The following PCDH19 variants were observed in gnomAD, a reference collection of about 807,000 sequenced individuals.
PCDH19 encodes protocadherin 19, also known as protocadherin-19.
PCDH19 carries 6 observed loss-of-function variants against 46.2 expected under a neutral mutation model. The observed-to-expected ratio is 0.13, with a 90% CI of 0.07 to 0.26. PCDH19 has a LOEUF of 0.26. PCDH19 is among the 10% of genes least tolerant of loss of function. The probability of loss-of-function intolerance (pLI) is 1.00; values close to 1 mark genes in which losing one functional copy is unlikely to be tolerated. For missense variants in PCDH19, 740 were observed against 972.3 expected (o/e 0.76, Z 3.18); for synonymous variants, 481 against 415.7 (o/e 1.16, Z -1.91).
chrX:100,363,854 TGC>T (rs1205197321), intron 3 of PCDH19, among the ~76,000 whole-genome samples: 23 of 26,807 alleles, frequency 8.6e-4, no homozygotes, highest in African/African-American at 4.3e-3. Context: ...AGAATGTGCG[TGC>T]GTGTGTGTGT....
intron 3 of PCDH19, among the ~76,000 whole-genome samples, chrX:100,377,309 G>A (rs1425137096): frequency 9.0e-6 from 1 of 111,350 alleles, no homozygotes; most frequent in Non-Finnish European, 1.9e-5. Flanking sequence ...ACAGAATGGT[G>A]GCAATAATGG....
At chrX:100,395,861 T>C (rs1928012933) in intron 3 of PCDH19, among the ~76,000 whole-genome samples, 2 of 112,889 alleles carry the variant, frequency 1.8e-5, no homozygotes, top group Admixed American at 1.9e-4. Context: ...AACAGCCAAA[T>C]AGGAAATGTA....
intron 5 of PCDH19, among the ~76,000 whole-genome samples, chrX:100,313,657 C>T (rs189933103): frequency 4.6e-4 from 51 of 111,412 alleles, no homozygotes; most frequent in African/African-American, 1.5e-3. Context: ...ATGCAAACAG[C>T]GCCTAGCTGT....
intron 4 of PCDH19, among the ~76,000 whole-genome samples, chrX:100,343,975 T>C (rs1448780034): frequency 2.7e-5 from 3 of 111,550 alleles, no homozygotes; most frequent in South Asian, 7.6e-4. Flanking sequence ...CCTCCACACT[T>C]AGTCAAGAAG....
intron 5 of PCDH19, among the ~76,000 whole-genome samples, chrX:100,337,489 C>T (rs927204444): frequency 8.9e-6 from 1 of 112,358 alleles, no homozygotes; most frequent in Non-Finnish European, 1.9e-5. Context: ...CAAACTGAAA[C>T]GTATTAATTC....
In PCDH19 at chrX:100,295,638, T is replaced by A. The variant is rs1924570957; in HGVS notation, c.*639A>T. On this transcript the variant is annotated 3_prime_UTR_variant, in exon 6 of 6. Transcript: ENST00000373034. ...TTTTTAAGAAAAAGAAAACACCAAC[T>A]TTTAAAAGCCTTTTGCCATCACCAC... 1 of 112,429 alleles carries A rather than the reference T, an allele frequency of 8.9e-6. No homozygotes were observed. Among genetic ancestry groups the A allele is most frequent in the Admixed American group, 9.4e-5 (1 of 10,600 alleles). 9.3% of individuals were successfully genotyped at this position (112,429 alleles called of 1,213,427 possible).
chrX:100,329,257 T>C (rs1443401506), intron 5 of PCDH19, among the ~76,000 whole-genome samples: 3 of 112,445 alleles, frequency 2.7e-5, no homozygotes, highest in East Asian at 2.8e-4. Context: ...ACCTTCCAAA[T>C]TGACAGTTGG....
intron 3 of PCDH19, among the ~76,000 whole-genome samples, chrX:100,375,665 G>A (rs749381564): frequency 4.7e-4 from 52 of 111,678 alleles, no homozygotes; most frequent in Non-Finnish European, 8.7e-4. Flanking sequence ...TTGAGGAATC[G>A]CCACAATGTC....
chrX:100,342,155 C>T (rs1341772687), intron 4 of PCDH19, 80 bp from the exon 5 acceptor site: 14 of 919,463 alleles, frequency 1.5e-5, no homozygotes, highest in Non-Finnish European at 2.2e-5. Flanking sequence ...ATGATGTCGG[C>T]TCTGTAATGA....
At chrX:100,350,591 C>T in intron 4 of PCDH19, 55 bp downstream of exon 4, 2 of 855,346 alleles carry the variant, frequency 2.3e-6, no homozygotes, top group Non-Finnish European at 1.7e-6. Flanking sequence ...ATCTGTTTTG[C>T]TTTTTAATGT....
intron 3 of PCDH19, among the ~76,000 whole-genome samples, chrX:100,398,567 CTA>C (rs1357897496): frequency 8.9e-6 from 1 of 112,035 alleles, no homozygotes; most frequent in Non-Finnish European, 1.9e-5. Flanking sequence ...TGATCAGAAA[CTA>C]TCTTGTATTG....
At chrX:100,335,899 A>G (rs1400810405) in intron 5 of PCDH19, among the ~76,000 whole-genome samples, 1 of 111,906 alleles carries the variant, frequency 8.9e-6, no homozygotes, top group Non-Finnish European at 1.9e-5. Context: ...TCCTGGGTTC[A>G]AGTAATTAAA....
intron 3 of PCDH19, among the ~76,000 whole-genome samples, chrX:100,375,350 G>GT (rs1274556653): frequency 8.9e-6 from 1 of 111,762 alleles, no homozygotes; most frequent in Non-Finnish European, 1.9e-5. Context: ...GTGGTGTTTG[G>GT]TTTTGTGTCC....
chrX:100,339,349 G>A (rs987587628), intron 5 of PCDH19, among the ~76,000 whole-genome samples: 7 of 111,596 alleles, frequency 6.3e-5, no homozygotes, highest in Non-Finnish European at 1.3e-4. Flanking sequence ...TCAGTCCAGT[G>A]CAGATTCTAT....
chrX:100,357,303 C>T (rs754396965), intron 3 of PCDH19, among the ~76,000 whole-genome samples: 1 of 112,129 alleles, frequency 8.9e-6, no homozygotes, highest in East Asian at 2.8e-4. Context: ...AGGTGACTCA[C>T]ATGGGAGAAT....
At chrX:100,372,046 G>A (rs1029283801) in intron 3 of PCDH19, among the ~76,000 whole-genome samples, 1 of 111,247 alleles carries the variant, frequency 9.0e-6, no homozygotes, top group Non-Finnish European at 1.9e-5. Flanking sequence ...AGACCAGCCC[G>A]GCCAGTATGG....
intron 5 of PCDH19, among the ~76,000 whole-genome samples, chrX:100,320,748 A>C (rs1303316928): frequency 1.8e-5 from 2 of 111,192 alleles, no homozygotes; most frequent in African/African-American, 6.5e-5. Flanking sequence ...GCATTTCATC[A>C]GCATTTTTTT....
Position 100,402,850 on chromosome X carries a change from T to C in PCDH19, c.2290A>G (p.Ile764Val), listed in dbSNP as rs1358557752. The C allele has an allele frequency of 8.3e-7, 1 of 1,200,432 alleles. No homozygotes were observed. The highest frequency in any genetic ancestry group is 1.8e-5 in the South Asian group (1 of 56,692). ...TGATGCCCATAGGAGTACTCAGCAA[T>C]TCTATGTGACAGAAAAGGCAGCATG... ...EEKVSLRGKR[I>V]AEYSYGHQKK... The change falls in exon 3 of 6, where the codon ATT (isoleucine) becomes GTT (valine). Residue 764 changes from isoleucine (I) to valine (V), a missense_variant and splice_region_variant. Coordinates refer to ENST00000373034, the MANE Select transcript of PCDH19 (RefSeq NM_001184880.2).
At chrX:100,339,492 TG>T (rs1483414079) in intron 5 of PCDH19, among the ~76,000 whole-genome samples, 1 of 112,555 alleles carries the variant, frequency 8.9e-6, no homozygotes, top group Non-Finnish European at 1.9e-5. Flanking sequence ...TTTCAACCAC[TG>T]TACCTTAAGA....
Sources: gnomAD v4.1 joint callset for allele counts (sites outside exome capture counted in the v4.1 genomes callset) on GRCh38, gnomAD v4.1.1 for gene constraint, MANE v1.5 for transcripts, NCBI Gene and HGNC (gene_info 2026-07-23, HGNC 2026-07-21) for gene names.